CNTNAP2: variants seen among roughly 807,000 people sequenced by gnomAD.
CNTNAP2 encodes the protein contactin associated protein 2.
CNTNAP2 carries 98 observed loss-of-function variants against 155.2 expected under a neutral mutation model. The observed-to-expected ratio is 0.63, with a 90% CI of 0.54 to 0.75. The LOEUF (loss-of-function observed/expected upper bound fraction) is 0.75. Among genes scored for constraint, CNTNAP2 ranks in the 30% least tolerant of loss-of-function variants. CNTNAP2 has a pLI of 0.00. For synonymous variants in CNTNAP2, 651 were observed against 631.2 expected (o/e 1.03, Z -0.47); for missense variants, 1,727 against 1,688.1 (o/e 1.02, Z -0.40).
At chr7:146,132,420 AT>A (rs1410196007) in intron 1 of CNTNAP2, among the ~76,000 whole-genome samples, 1 of 151,902 alleles carries the variant, frequency 6.6e-6, no homozygotes, top group Non-Finnish European at 1.5e-5. Context: ...TTGTTTATTT[AT>A]TTTTTTATTA....
intron 1 of CNTNAP2, among the ~76,000 whole-genome samples, chr7:146,539,802 G>T (rs1409149189): frequency 6.6e-6 from 1 of 152,066 alleles, no homozygotes; most frequent in East Asian, 1.9e-4. Flanking sequence ...TTGCTTGAGA[G>T]TAAAATATTC....
intron 22 of CNTNAP2, among the ~76,000 whole-genome samples, chr7:148,400,150 G>C (rs754364172): frequency 6.6e-6 from 1 of 152,182 alleles, no homozygotes; most frequent in Non-Finnish European, 1.5e-5. Flanking sequence ...AGCCTAAGGA[G>C]GTTCAGCAAC....
intron 1 of CNTNAP2, among the ~76,000 whole-genome samples, chr7:146,450,521 G>C (rs1796463705): frequency 6.6e-6 from 1 of 152,142 alleles, no homozygotes; most frequent in African/African-American, 2.4e-5. Context: ...TACTGCGTTA[G>C]TTTTGTTTTC....
intron 1 of CNTNAP2, among the ~76,000 whole-genome samples, chr7:146,221,567 T>C (rs1584809442): frequency 6.6e-6 from 1 of 152,162 alleles, no homozygotes; most frequent in East Asian, 1.9e-4. Flanking sequence ...CCTGATATAT[T>C]TATTTTCCCA....
chr7:148,341,349 G>T (rs957174187), intron 21 of CNTNAP2, among the ~76,000 whole-genome samples: 32 of 151,724 alleles, frequency 2.1e-4, no homozygotes, highest in African/African-American at 7.5e-4. Flanking sequence ...TGTGTTAAAA[G>T]ACTGTTTTCT....
intron 8 of CNTNAP2, among the ~76,000 whole-genome samples, chr7:147,291,911 T>C (rs1805322101): frequency 1.3e-5 from 2 of 152,182 alleles, no homozygotes; most frequent in Admixed American, 6.6e-5. Flanking sequence ...TTAATAGATC[T>C]TTATTTGGGA....
At chr7:147,027,075 A>T (rs1232252986) in intron 3 of CNTNAP2, among the ~76,000 whole-genome samples, 3 of 151,722 alleles carry the variant, frequency 2.0e-5, no homozygotes, top group Non-Finnish European at 4.4e-5. Context: ...ATAGCTTTGC[A>T]TCAGGGGACT....
At chr7:146,540,314 A>G (rs1319774636) in intron 1 of CNTNAP2, among the ~76,000 whole-genome samples, 1 of 152,006 alleles carries the variant, frequency 6.6e-6, no homozygotes, top group Non-Finnish European at 1.5e-5. Flanking sequence ...TTTTGGGAGA[A>G]AACTTCAACC....
intron 12 of CNTNAP2, among the ~76,000 whole-genome samples, chr7:147,618,510 G>A (rs1387103300): frequency 6.6e-6 from 1 of 151,742 alleles, no homozygotes; most frequent in Non-Finnish European, 1.5e-5. Flanking sequence ...TGCAAATACA[G>A]GTGTATAGGA....
rs535073928 is a variant in CNTNAP2, at chr7:147,603,559, A to G, written c.1898-35547A>G. Among the ~76,000 whole-genome samples, 1,105 of 151,298 alleles carry G rather than the reference A, an allele frequency of 7.3e-3. 15 individuals carry two copies. Among genetic ancestry groups the G allele is most frequent in the African/African-American group, 0.026 (1,050 of 41,166 alleles). On this transcript the variant is annotated intron_variant, in intron 12 of 23. Coordinates refer to ENST00000361727, the MANE Select transcript of CNTNAP2 (RefSeq NM_014141.6). ...AAGGAGAACTACAAACCACTGCTCA[A>G]TGAAATAAAAGAAGATACAAACAAA...
rs560401978 is a variant in CNTNAP2, at chr7:147,601,371, G to T, written c.1898-37735G>T. 7.3e-5 allele frequency among the ~76,000 whole-genome samples: 11 copies of T among 151,514 alleles called. No individual in the cohort carries two copies. The East Asian group carries it at 1.9e-3, about 27-fold the overall frequency. ...TAGTGGAAAATTACAGTCAAAGGGGGTTGTTCTCTGGCGGGCAGGGGTGGG... is the reference window on the plus strand; with the variant it reads ...TAGTGGAAAATTACAGTCAAAGGGGTTTGTTCTCTGGCGGGCAGGGGTGGG... On this transcript the variant is annotated intron_variant, in intron 12 of 23. Coordinates refer to ENST00000361727, the MANE Select transcript of CNTNAP2 (RefSeq NM_014141.6).
At chr7:147,365,314 G>T (rs1563176723) in intron 9 of CNTNAP2, among the ~76,000 whole-genome samples, 1 of 143,952 alleles carries the variant, frequency 6.9e-6, no homozygotes, top group Admixed American at 7.3e-5. Context: ...GGCGGAGGTT[G>T]CAGTGAGACG....
At chr7:148,332,156 C>A (rs1375072925) in intron 21 of CNTNAP2, among the ~76,000 whole-genome samples, 2 of 112,276 alleles carry the variant, frequency 1.8e-5, no homozygotes, top group Admixed American at 8.8e-5. Flanking sequence ...TCATGACAAA[C>A]TGAGCGGACA....
At chr7:146,947,576 CATATATATATATATATATATAT>C (rs1404885076) in intron 3 of CNTNAP2, among the ~76,000 whole-genome samples, 7 of 96,870 alleles carry the variant, frequency 7.2e-5, no homozygotes, top group Non-Finnish European at 2.0e-5. Context: ...TATATATATA[CATATATATATATATATATATAT>C]GTATATATCT....
chr7:148,288,060 G>T (rs149576055), intron 21 of CNTNAP2, among the ~76,000 whole-genome samples: 2,042 of 150,554 alleles, frequency 0.014, 52 homozygotes, highest in African/African-American at 0.047. Context: ...AAAGTGCGGG[G>T]ATTACAGGCG....
At chr7:148,025,391 T>A (rs1229616676) in intron 15 of CNTNAP2, among the ~76,000 whole-genome samples, 2 of 152,112 alleles carry the variant, frequency 1.3e-5, no homozygotes, top group Non-Finnish European at 2.9e-5. Context: ...TATGATTTAA[T>A]CCCCAGTCAA....
At chr7:146,151,647 T>TACAC (rs869292846) in intron 1 of CNTNAP2, among the ~76,000 whole-genome samples, 1 of 16,596 alleles carries the variant, frequency 6.0e-5, no homozygotes, top group Non-Finnish European at 1.3e-4. Context: ...TATATATATA[T>TACAC]ATATATATAT....
intron 12 of CNTNAP2, among the ~76,000 whole-genome samples, chr7:147,592,307 A>G (rs777156704): frequency 2.0e-5 from 3 of 152,202 alleles, no homozygotes; most frequent in African/African-American, 4.8e-5. Context: ...GGTAATCAAT[A>G]TAGTTTAAAA....
At chr7:146,529,472 C>A (rs1483684202) in intron 1 of CNTNAP2, among the ~76,000 whole-genome samples, 3 of 152,092 alleles carry the variant, frequency 2.0e-5, no homozygotes, top group African/African-American at 7.2e-5. Context: ...GAGCTTTCAT[C>A]TGATTCTCAA....
Sources: gnomAD v4.1 joint callset for allele counts (sites outside exome capture counted in the v4.1 genomes callset) on GRCh38, gnomAD v4.1.1 for gene constraint, MANE v1.5 for transcripts, NCBI Gene and HGNC (gene_info 2026-07-23, HGNC 2026-07-21) for gene names.